The following NUP133 variants were observed in gnomAD, a reference collection of about 807,000 sequenced individuals.
The protein encoded by NUP133 is nuclear pore complex protein Nup133.
Under a neutral mutation model 146.2 loss-of-function variants are expected in NUP133, and 66 were observed. The observed-to-expected ratio is 0.45, with a 90% CI of 0.37 to 0.55. The LOEUF (loss-of-function observed/expected upper bound fraction) is 0.55, where lower values mean the gene tolerates loss of function less well. NUP133 is among the 20% of genes least tolerant of loss of function. The probability of loss-of-function intolerance (pLI) is 0.00; values close to 1 mark genes in which losing one functional copy is unlikely to be tolerated. For synonymous variants in NUP133, 521 were observed against 498.8 expected, an observed-to-expected ratio of 1.04 and a Z score of -0.59; for missense variants, 1,277 against 1,374.8, an observed-to-expected ratio of 0.93 and a Z score of 1.12.
At chr1:229,488,366 C>T (rs1180098194) in intron 9 of NUP133, among the ~76,000 whole-genome samples, 2 of 151,936 alleles carry the variant, frequency 1.3e-5, no homozygotes, top group African/African-American at 2.4e-5. Context: ...GATTTGTTTA[C>T]ATATAAAATC....
chr1:229,499,050 C>T (rs899407165), intron 5 of NUP133: 4 of 396,342 alleles, frequency 1.0e-5, no homozygotes, highest in African/African-American at 4.2e-5. Flanking sequence ...AGGCACACAC[C>T]ACTATGCCCA....
At chr1:229,505,580 A>AAC (rs1661913272) in intron 2 of NUP133, among the ~76,000 whole-genome samples, 1 of 148,096 alleles carries the variant, frequency 6.8e-6, no homozygotes, top group African/African-American at 2.5e-5. Context: ...AAAAAAAAAA[A>AAC]AAAAAAAAAA....
At chr1:229,444,010 G>A (rs909321059) in intron 25 of NUP133, among the ~76,000 whole-genome samples, 1 of 150,652 alleles carries the variant, frequency 6.6e-6, no homozygotes, top group Non-Finnish European at 1.5e-5. Context: ...CAAAGTGTGA[G>A]CCACTGCACC....
chr1:229,500,703 T>C, intron 4 of NUP133, 53 bp downstream of exon 4: 2 of 1,036,488 alleles, frequency 1.9e-6, no homozygotes, highest in Non-Finnish European at 1.5e-6. Context: ...CCTCTAACTT[T>C]AGGATGTCCT....
chr1:229,495,901 A>T lies in NUP133; in HGVS notation c.966T>A (p.Asp322Glu). 5 of 1,592,584 alleles carry T rather than the reference A, an allele frequency of 3.1e-6. No homozygotes were observed. The highest frequency in any genetic ancestry group is 4.3e-6 in the Non-Finnish European group (5 of 1,172,772). The change falls in exon 7 of 26, where the codon GAT becomes GAA. Residue 322 changes from aspartate to glutamate, a missense_variant. By Grantham distance (45) the Asp-to-Glu change is conservative (BLOSUM62 2). This residue lies in a region of NUP133 where 952 missense variants were observed against 1,047.0 expected (regional missense o/e 0.91). Coordinates refer to ENST00000261396, the MANE Select transcript of NUP133 (RefSeq NM_018230.3). ...INRALKENITDAIWGSESNYE... is the reference protein window; with the variant it reads ...INRALKENITEAIWGSESNYE... ...TATTATTGTTTCTTACCCAAATAGC[A>T]TCGGTAATGTTTTCCTTCAGGGCTC... is the stretch of plus-strand genomic sequence containing the variant.
At chr1:229,507,370 C>T (rs1310331856) in intron 1 of NUP133, among the ~76,000 whole-genome samples, 1 of 152,024 alleles carries the variant, frequency 6.6e-6, no homozygotes, top group Non-Finnish European at 1.5e-5. Flanking sequence ...TAGATGAATT[C>T]AGAGAAAACT....
chr1:229,467,541 A>C (rs1454836264), intron 15 of NUP133, among the ~76,000 whole-genome samples: 1 of 152,234 alleles, frequency 6.6e-6, no homozygotes. Flanking sequence ...TGTTAGCCAA[A>C]GGCATCCTAA....
At chr1:229,474,021 A>G (rs1289392786) in intron 14 of NUP133, among the ~76,000 whole-genome samples, 1 of 152,220 alleles carries the variant, frequency 6.6e-6, no homozygotes, top group African/African-American at 2.4e-5. Flanking sequence ...TGGAAGTAAC[A>G]TTATGTGACA....
rs536134141 is a variant in NUP133 at position 229,468,067 on chromosome 1, T to C, written c.2077-1311A>G. ...ATATTGCTCATATGCCGTGTCAACA[T>C]AGTCTGTTCCTTAAGCAGTGAGCTC... On this transcript the variant is annotated intron_variant, in intron 15 of 25. Coordinates refer to ENST00000261396, the MANE Select transcript of NUP133 (RefSeq NM_018230.3). Among the ~76,000 whole-genome samples, 129 of 152,274 alleles carry C rather than the reference T, an allele frequency of 8.5e-4. 1 individual carries two copies. In the South Asian group the frequency reaches 0.024, roughly 29 times the overall value.
At chr1:229,444,072 C>T (rs1466689940) in intron 25 of NUP133, among the ~76,000 whole-genome samples, 1 of 152,000 alleles carries the variant, frequency 6.6e-6, no homozygotes, top group Non-Finnish European at 1.5e-5. Context: ...GTGGCTCATG[C>T]CTGTAATCCC....
chr1:229,464,744 A>C lies in NUP133; in HGVS notation c.2431T>G (p.Cys811Gly). ...TGAGAAACATAACCATCCAGGAAGC[A>C]ATCGATCAGGGCTACCAGCTGCTCG... The part of the protein sequence containing the change: ...VTEQLVALID[C>G]FLDGYVSQLK... The change falls in exon 18 of 26, where the codon TGC becomes GGC. Residue 811 changes from cysteine to glycine, a missense_variant. Cys to Gly is a radical substitution (Grantham distance 159). Transcript: ENST00000261396. 6.2e-7 allele frequency: 1 copy of C among 1,614,260 alleles called. No individual in the cohort carries two copies. Among genetic ancestry groups the C allele is most frequent in the Non-Finnish European group, 8.5e-7 (1 of 1,180,050 alleles).
chr1:229,482,517 C>A (rs1163158372), intron 12 of NUP133, among the ~76,000 whole-genome samples: 1 of 152,188 alleles, frequency 6.6e-6, no homozygotes, highest in African/African-American at 2.4e-5. Context: ...GGGGCTGGAT[C>A]ACCATTTTCC....
intron 12 of NUP133, among the ~76,000 whole-genome samples, chr1:229,478,138 C>A (rs978370075): frequency 6.6e-6 from 1 of 151,350 alleles, no homozygotes; most frequent in Non-Finnish European, 1.5e-5. Flanking sequence ...CTACTATGTA[C>A]CCATAAAAAT....
At position 229,458,294 on chromosome 1, in the gene NUP133, A is replaced by C. The variant is rs1660613702; in HGVS notation, c.2847T>G (p.Ala949=). The C allele has an allele frequency of 6.2e-7, 1 of 1,611,266 alleles. No individual in the cohort carries two copies. Among genetic ancestry groups the C allele is most frequent in the Non-Finnish European group, 8.5e-7 (1 of 1,178,598 alleles). The change falls in exon 21 of 26, where the codon GCT becomes GCG. Residue 949 remains alanine, a splice_region_variant and synonymous_variant. Coordinates refer to ENST00000261396, the MANE Select transcript of NUP133 (RefSeq NM_018230.3). ...HEINSQELEK[A]HATLLGLANM... is the part of the protein sequence containing the mutation. ...TTGCCAAACCCAGAAGTGTTGCATGAGCCTACAATAAAATATGCAAACCAT... is the reference window on the plus strand; with the variant it reads ...TTGCCAAACCCAGAAGTGTTGCATGCGCCTACAATAAAATATGCAAACCAT...
intron 16 of NUP133, 38 bp downstream of exon 16, chr1:229,466,596 G>A: frequency 6.2e-7 from 1 of 1,611,618 alleles, no homozygotes. Context: ...CCATGCCCTG[G>A]GCTTTGATTT....
At chr1:229,490,778 C>T (rs1013476416) in intron 8 of NUP133, among the ~76,000 whole-genome samples, 5 of 152,038 alleles carry the variant, frequency 3.3e-5, no homozygotes, top group Admixed American at 6.6e-5. Flanking sequence ...GCCTGGCCAA[C>T]GTGGCAAAAC....
intron 13 of NUP133, 67 bp downstream of exon 13, chr1:229,477,530 A>C: frequency 7.9e-7 from 1 of 1,260,122 alleles, no homozygotes; most frequent in Non-Finnish European, 1.1e-6. Flanking sequence ...ATGCTTTAAG[A>C]GATGCTTCTA....
At chr1:229,491,397 C>A (rs565752676) in intron 8 of NUP133, among the ~76,000 whole-genome samples, 1 of 152,314 alleles carries the variant, frequency 6.6e-6, no homozygotes, top group South Asian at 2.1e-4. Flanking sequence ...GTAATCCCAA[C>A]ACTTTGGGAA....
At chr1:229,444,892 G>A (rs142675561) in intron 25 of NUP133, 22 bp downstream of exon 25, 17 of 1,493,934 alleles carry the variant, frequency 1.1e-5, no homozygotes, top group African/African-American at 9.8e-5. Flanking sequence ...AATTTCCAAC[G>A]GTATAGTAAC....
Sources: gnomAD v4.1 joint callset for allele counts (sites outside exome capture counted in the v4.1 genomes callset) on GRCh38, gnomAD v4.1.1 for gene constraint, gnomAD v4.1.1 regional missense constraint, MANE v1.5 for transcripts, NCBI Gene and HGNC (gene_info 2026-07-23, HGNC 2026-07-21) for gene names.